Variants in LINGO2 observed in about 807,000 individuals in gnomAD.
LINGO2 encodes leucine rich repeat and Ig domain containing 2.
A neutral mutation model predicts 30.6 loss-of-function variants in LINGO2; 14 were observed. That is an observed-to-expected ratio of 0.46 (90% CI 0.30 to 0.72). The LOEUF (loss-of-function observed/expected upper bound fraction) is 0.72, where lower values mean the gene tolerates loss of function less well. Ranked by LOEUF, LINGO2 falls within the 30% of genes least tolerant of loss-of-function variation. LINGO2 has a pLI of 0.07. For missense variants in LINGO2, 729 were observed against 751.7 expected (o/e 0.97, Z 0.35); for synonymous variants, 317 against 288.5 (o/e 1.10, Z -1.00).
At chr9:28,216,795 G>T (rs1202362995) in intron 4 of LINGO2, among the ~76,000 whole-genome samples, 1 of 151,690 alleles carries the variant, frequency 6.6e-6, no homozygotes, top group African/African-American at 2.4e-5. Flanking sequence ...TTTATAGTTT[G>T]TCACTTTTAA....
At chr9:28,589,253 C>T (rs1824739147) in intron 1 of LINGO2, among the ~76,000 whole-genome samples, 1 of 152,062 alleles carries the variant, frequency 6.6e-6, no homozygotes, top group Non-Finnish European at 1.5e-5. Context: ...GACGGGGATG[C>T]CCTCTCTCAC....
the LINGO2 span, among the ~76,000 whole-genome samples, chr9:28,896,130 G>T: frequency 1.3e-5 from 2 of 152,202 alleles, no homozygotes; most frequent in East Asian, 1.9e-4. Context: ...AAGAATAGAG[G>T]ACAGGCTGAA....
At chr9:28,046,842 T>A (rs1445821353) in intron 4 of LINGO2, among the ~76,000 whole-genome samples, 1 of 152,144 alleles carries the variant, frequency 6.6e-6, no homozygotes, top group African/African-American at 2.4e-5. Context: ...ACTGGGACTA[T>A]CACCTTCCAT....
intron 4 of LINGO2, among the ~76,000 whole-genome samples, chr9:28,277,154 C>T (rs1027306166): frequency 1.3e-5 from 2 of 152,164 alleles, no homozygotes; most frequent in African/African-American, 4.8e-5. Flanking sequence ...ATTTTTCCAG[C>T]AGTATGCCCT....
chr9:29,080,520 T>C, the LINGO2 span, among the ~76,000 whole-genome samples: 5 of 152,270 alleles, frequency 3.3e-5, no homozygotes, highest in South Asian at 8.3e-4. Flanking sequence ...TCTCTAGTTC[T>C]TTCAATTGTG....
chr9:28,368,091 T>G (rs980846556), intron 3 of LINGO2, among the ~76,000 whole-genome samples: 1 of 152,202 alleles, frequency 6.6e-6, no homozygotes, highest in African/African-American at 2.4e-5. Flanking sequence ...ATACATCCTG[T>G]TCTACTTTAG....
chr9:29,060,317 T>G, the LINGO2 span, among the ~76,000 whole-genome samples: 1 of 152,074 alleles, frequency 6.6e-6, no homozygotes. Flanking sequence ...ATTCTTTACA[T>G]GAACCCACAA....
At chr9:28,080,068 T>C (rs898647661) in intron 4 of LINGO2, among the ~76,000 whole-genome samples, 1 of 152,242 alleles carries the variant, frequency 6.6e-6, no homozygotes, top group African/African-American at 2.4e-5. Flanking sequence ...CTTTCCACTG[T>C]TATGCCATAG....
chr9:28,707,075 C>T, the LINGO2 span, among the ~76,000 whole-genome samples: 1 of 152,032 alleles, frequency 6.6e-6, no homozygotes, highest in Non-Finnish European at 1.5e-5. Context: ...TGAATTCATA[C>T]AGTGTGATGA....
intron 4 of LINGO2, among the ~76,000 whole-genome samples, chr9:28,127,452 A>G (rs547537706): frequency 1.4e-4 from 22 of 152,310 alleles, no homozygotes; most frequent in African/African-American, 4.8e-4. Flanking sequence ...TGTAATGCTT[A>G]ATTTGAAAAA....
the LINGO2 span, among the ~76,000 whole-genome samples, chr9:28,720,273 G>A: frequency 1.3e-5 from 2 of 152,030 alleles, no homozygotes; most frequent in Admixed American, 6.6e-5. Context: ...CCACAAAAAT[G>A]TCTAATGTTC....
intron 4 of LINGO2, among the ~76,000 whole-genome samples, chr9:28,168,792 TA>T (rs1828503358): frequency 2.6e-5 from 4 of 152,184 alleles, no homozygotes; most frequent in Non-Finnish European, 4.4e-5. Context: ...ATTGGGACAA[TA>T]AAAATAGCTG....
chr9:27,998,216 G>A (rs1051396384), intron 5 of LINGO2, among the ~76,000 whole-genome samples: 1 of 152,140 alleles, frequency 6.6e-6, no homozygotes, highest in African/African-American at 2.4e-5. Flanking sequence ...AAGTGGTGCT[G>A]TGTGACTCTG....
the LINGO2 span, among the ~76,000 whole-genome samples, chr9:28,772,537 G>A: frequency 6.6e-6 from 1 of 152,190 alleles, no homozygotes; most frequent in Non-Finnish European, 1.5e-5. Flanking sequence ...TAAATGAATG[G>A]AAAACCATGC....
rs560320404 is a variant in LINGO2, at chr9:28,245,926, G to T, written c.-87+49282C>A. ...CAAACTACCATTAACATTCTTCACA[G>T]AATTAGAAAAAAAAACTACTTTAAA... On this transcript the variant is annotated intron_variant, in intron 4 of 5. Coordinates refer to ENST00000379992, the Ensembl canonical transcript of LINGO2. 4.0e-5 allele frequency among the ~76,000 whole-genome samples: 6 copies of T among 151,686 alleles called. No individual in the cohort carries two copies. The East Asian group carries it at 9.7e-4, about 25-fold the overall frequency.
At chr9:29,109,497 T>C in the LINGO2 span, among the ~76,000 whole-genome samples, 3 of 152,306 alleles carry the variant, frequency 2.0e-5, no homozygotes, top group South Asian at 2.1e-4. Context: ...ATTACCTATA[T>C]ATAAGGAGGT....
intron 1 of LINGO2, among the ~76,000 whole-genome samples, chr9:28,541,589 T>C (rs1228948416): frequency 6.6e-6 from 1 of 152,152 alleles, no homozygotes; most frequent in African/African-American, 2.4e-5. Flanking sequence ...GGAAGCCATG[T>C]CCACTAATTG....
chr9:27,996,822 G>C (rs982400162), intron 5 of LINGO2, among the ~76,000 whole-genome samples: 14 of 152,134 alleles, frequency 9.2e-5, no homozygotes, highest in Admixed American at 6.6e-4. Context: ...ACCCTGATTT[G>C]ATCATTACAC....
intron 1 of LINGO2, among the ~76,000 whole-genome samples, chr9:28,598,176 C>G (rs144851506): frequency 6.6e-6 from 1 of 152,104 alleles, no homozygotes; most frequent in African/African-American, 2.4e-5. Flanking sequence ...ACACTTAATT[C>G]CAAAGGAAAC....
Sources: gnomAD v4.1 joint callset for allele counts (sites outside exome capture counted in the v4.1 genomes callset) on GRCh38, gnomAD v4.1.1 for gene constraint, MANE v1.5 for transcripts, NCBI Gene and HGNC (gene_info 2026-07-23, HGNC 2026-07-21) for gene names.